FARS2: variants seen among roughly 807,000 people sequenced by gnomAD.
FARS2 encodes phenylalanyl-tRNA synthetase 2, mitochondrial.
A neutral mutation model predicts 46.4 loss-of-function variants in FARS2; 40 were observed. The observed-to-expected ratio is 0.86, with a 90% confidence interval of 0.67 to 1.12. FARS2 has a LOEUF of 1.12. FARS2 is among the 50% of genes most tolerant of loss of function. The pLI, the probability that FARS2 is intolerant of heterozygous loss-of-function variation, is 0.00. For synonymous variants in FARS2, 234 were observed against 214.9 expected, an observed-to-expected ratio of 1.09 and a Z score of -0.78; for missense variants, 513 against 567.9, an observed-to-expected ratio of 0.90 and a Z score of 0.98.
At chr6:5,559,189 GC>G (rs1239645419) in intron 5 of FARS2, among the ~76,000 whole-genome samples, 1 of 151,496 alleles carries the variant, frequency 6.6e-6, no homozygotes, top group African/African-American at 2.4e-5. Context: ...GATCGCTTGA[GC>G]CCAAGCATTT....
At chr6:5,420,595 C>T (rs1397023410) in intron 3 of FARS2, among the ~76,000 whole-genome samples, 1 of 152,204 alleles carries the variant, frequency 6.6e-6, no homozygotes, top group African/African-American at 2.4e-5. Flanking sequence ...TCTTAAAGCT[C>T]CAGAATGATC....
chr6:5,317,965 A>G (rs1351180194), intron 1 of FARS2, among the ~76,000 whole-genome samples: 1 of 151,948 alleles, frequency 6.6e-6, no homozygotes, highest in East Asian at 1.9e-4. Flanking sequence ...GGAGCAACAT[A>G]TAGGCAGGTA....
intron 3 of FARS2, among the ~76,000 whole-genome samples, chr6:5,418,649 T>C (rs1185276004): frequency 2.6e-5 from 4 of 152,198 alleles, no homozygotes; most frequent in Admixed American, 6.5e-5. Context: ...AAGGGGTTCT[T>C]CTGCAGATCT....
chr6:5,454,598 C>T (rs1236692228), intron 4 of FARS2, among the ~76,000 whole-genome samples: 1 of 152,150 alleles, frequency 6.6e-6, no homozygotes, highest in Admixed American at 6.5e-5. Flanking sequence ...CCCACCTCAG[C>T]CTCTCAAAGT....
chr6:5,526,813 C>T (rs960973322), intron 4 of FARS2, among the ~76,000 whole-genome samples: 3 of 152,088 alleles, frequency 2.0e-5, no homozygotes, highest in Admixed American at 6.6e-5. Context: ...GACAGGATTT[C>T]ACCATATTGG....
chr6:5,361,561 T>C lies in FARS2; in HGVS notation c.-21-6989T>C, dbSNP rs1243226525. Among the ~76,000 whole-genome samples the C allele has an allele frequency of 2.0e-5, 3 of 152,228 alleles. No individual in the cohort carries two copies. In the East Asian group the frequency reaches 5.8e-4, roughly 29 times the overall value. ...AACTGCCTGCTTATAGCCCTTCTCT[T>C]TTTGTTCATACTAGTCAGCAGGAGC... On this transcript the variant is annotated intron_variant, in intron 1 of 6. Transcript: ENST00000274680.
intron 6 of FARS2, among the ~76,000 whole-genome samples, chr6:5,717,853 C>G (rs1759598700): frequency 6.6e-6 from 1 of 151,294 alleles, no homozygotes; most frequent in South Asian, 2.1e-4. Flanking sequence ...AGTGCTTTTT[C>G]TACCATGCCC....
chr6:5,513,794 T>C (rs1561676543), intron 4 of FARS2, among the ~76,000 whole-genome samples: 1 of 152,152 alleles, frequency 6.6e-6, no homozygotes, highest in Non-Finnish European at 1.5e-5. Context: ...AGTTTATTGC[T>C]GTCTAAGTGG....
chr6:5,528,495 TTCTC>T (rs976539664), intron 4 of FARS2, among the ~76,000 whole-genome samples: 4 of 152,212 alleles, frequency 2.6e-5, no homozygotes, highest in African/African-American at 7.2e-5. Flanking sequence ...TTATAGGTCT[TTCTC>T]TCTCTGCTTT....
chr6:5,573,535 C>T (rs532646586), intron 5 of FARS2, among the ~76,000 whole-genome samples: 83 of 152,298 alleles, frequency 5.4e-4, no homozygotes, highest in South Asian at 1.5e-3. Context: ...AGAGCTAGTG[C>T]GGGTGAACTG....
intron 2 of FARS2, among the ~76,000 whole-genome samples, chr6:5,392,852 A>T (rs537674657): frequency 1.4e-5 from 2 of 138,794 alleles, no homozygotes; most frequent in South Asian, 4.5e-4. Flanking sequence ...TGTATATATT[A>T]TATGTGTGTG....
At chr6:5,431,319 G>A in intron 4 of FARS2, 147 bp downstream of exon 4, 1 of 821,078 alleles carries the variant, frequency 1.2e-6, no homozygotes, top group Non-Finnish European at 1.9e-6. Flanking sequence ...CTCTAGATTT[G>A]TCTTTGATAC....
chr6:5,720,218 G>A (rs1759800054), intron 6 of FARS2, among the ~76,000 whole-genome samples: 1 of 152,190 alleles, frequency 6.6e-6, no homozygotes, highest in Non-Finnish European at 1.5e-5. Context: ...GAAAAAGGAA[G>A]GGATAAAAAA....
intron 6 of FARS2, among the ~76,000 whole-genome samples, chr6:5,698,443 T>C (rs1758231899): frequency 6.6e-6 from 1 of 152,122 alleles, no homozygotes; most frequent in Non-Finnish European, 1.5e-5. Flanking sequence ...AGGCCCCACC[T>C]CCAGCATTGG....
intron 4 of FARS2, among the ~76,000 whole-genome samples, chr6:5,523,749 T>C (rs1769292575): frequency 6.6e-6 from 1 of 152,236 alleles, no homozygotes; most frequent in South Asian, 2.1e-4. Context: ...GTGTGTTTTC[T>C]CAGCTGCACT....
rs1758740492 is a variant in FARS2, at chr6:5,367,214, A to C, written c.-21-1336A>C. 2.0e-5 allele frequency among the ~76,000 whole-genome samples: 3 copies of C among 152,142 alleles called. No homozygotes were observed. In the South Asian group the frequency reaches 6.2e-4, roughly 32 times the overall value. The stretch of plus-strand genomic sequence containing the variant: ...TTTTGATAGTGACTTGGAACAATAT[A>C]ATTCTTTGCTAATGCAGCTTCATAT... On this transcript the variant is annotated intron_variant, in intron 1 of 6. Coordinates refer to ENST00000274680, the MANE Select transcript of FARS2 (RefSeq NM_006567.5).
chr6:5,760,203 T>C (rs1300477166), intron 6 of FARS2, among the ~76,000 whole-genome samples: 1 of 152,174 alleles, frequency 6.6e-6, no homozygotes, highest in East Asian at 1.9e-4. Context: ...TTTCTTCCAT[T>C]AGTCGCTGAA....
At chr6:5,591,981 CAA>C (rs1268598761) in intron 5 of FARS2, among the ~76,000 whole-genome samples, 1 of 152,114 alleles carries the variant, frequency 6.6e-6, no homozygotes, top group Non-Finnish European at 1.5e-5. Context: ...ATTAATGAGT[CAA>C]GAGAAAAGGA....
intron 6 of FARS2, among the ~76,000 whole-genome samples, chr6:5,680,417 T>C (rs575639745): frequency 6.6e-6 from 1 of 152,336 alleles, no homozygotes; most frequent in Admixed American, 6.5e-5. Flanking sequence ...AAAGGATTTC[T>C]GGTAGGCATC....
Sources: allele counts gnomAD v4.1 joint callset (sites outside exome capture counted in the v4.1 genomes callset), GRCh38; gene constraint gnomAD v4.1.1; transcripts MANE v1.5; gene names NCBI Gene and HGNC (gene_info 2026-07-23, HGNC 2026-07-21).